The following PDGFD variants were observed in gnomAD, a reference collection of about 807,000 sequenced individuals.
The protein encoded by PDGFD is platelet derived growth factor D.
PDGFD carries 30 observed loss-of-function variants against 44.7 expected under a neutral mutation model. The ratio of observed to expected loss-of-function variants is 0.67; its 90% CI spans 0.50 to 0.91. The LOEUF (loss-of-function observed/expected upper bound fraction) is 0.91, where lower values mean the gene tolerates loss of function less well. Ranked by LOEUF, PDGFD falls within the 40% of genes least tolerant of loss-of-function variation. The probability of loss-of-function intolerance (pLI) is 0.00; values close to 1 mark genes in which losing one functional copy is unlikely to be tolerated. For missense variants in PDGFD, 445 were observed against 457.8 expected (o/e 0.97, Z 0.25); for synonymous variants, 173 against 168.4 (o/e 1.03, Z -0.21).
chr11:103,941,625 T>C, intron 5 of PDGFD, among the ~76,000 whole-genome samples: 1 of 149,208 alleles, frequency 6.7e-6, no homozygotes. Flanking sequence ...GGGTGCCTGC[T>C]AAAAAAAAAA....
intron 1 of PDGFD, among the ~76,000 whole-genome samples, chr11:104,128,741 C>A (rs1861875147): frequency 6.6e-6 from 1 of 151,976 alleles, no homozygotes; most frequent in South Asian, 2.1e-4. Flanking sequence ...AAAATGAGGG[C>A]AAGAATCATA....
chr11:103,965,669 C>A (rs1181274952), intron 3 of PDGFD, among the ~76,000 whole-genome samples: 1 of 152,134 alleles, frequency 6.6e-6, no homozygotes, highest in Non-Finnish European at 1.5e-5. Flanking sequence ...AGTTCATGGT[C>A]CAGCTCACAA....
chr11:104,094,824 C>T (rs1237657016), intron 1 of PDGFD, among the ~76,000 whole-genome samples: 1 of 152,100 alleles, frequency 6.6e-6, no homozygotes, highest in Non-Finnish European at 1.5e-5. Context: ...ATTCTTAAGA[C>T]ATGTATCAGG....
At chr11:104,026,008 G>A (rs1161516347) in intron 1 of PDGFD, among the ~76,000 whole-genome samples, 1 of 152,186 alleles carries the variant, frequency 6.6e-6, no homozygotes, top group Admixed American at 6.5e-5. Context: ...ACTGGGACAG[G>A]AAGGGTGGAA....
At chr11:103,984,066 C>T (rs991460040) in intron 3 of PDGFD, among the ~76,000 whole-genome samples, 1 of 151,506 alleles carries the variant, frequency 6.6e-6, no homozygotes, top group African/African-American at 2.4e-5. Flanking sequence ...TGGGTATATA[C>T]CCAAAGGAAT....
At chr11:103,998,182 G>A (rs1859564342) in intron 2 of PDGFD, among the ~76,000 whole-genome samples, 1 of 152,164 alleles carries the variant, frequency 6.6e-6, no homozygotes, top group South Asian at 2.1e-4. Context: ...TGGGGTTAGA[G>A]GAGCATCTTT....
In PDGFD at chr11:103,986,582, A is replaced by T. The variant is rs575936235; in HGVS notation, c.510+9483T>A. On this transcript the variant is annotated intron_variant, in intron 3 of 6. Coordinates refer to ENST00000393158, the MANE Select transcript of PDGFD (RefSeq NM_025208.5). ...TGAGAAAATTATGATGGTGAAAGAGATCTGACCTAACCGACTCCATCTTGC... is the reference window on the plus strand; with the variant it reads ...TGAGAAAATTATGATGGTGAAAGAGTTCTGACCTAACCGACTCCATCTTGC... 2.0e-4 allele frequency among the ~76,000 whole-genome samples: 30 copies of T among 152,286 alleles called. 1 individual carries two copies. The South Asian group carries it at 5.4e-3, about 27-fold the overall frequency.
chr11:104,116,048 C>T lies in PDGFD; in HGVS notation c.124+47756G>A, dbSNP rs537979742. Among the ~76,000 whole-genome samples the T allele has an allele frequency of 8.6e-5, 13 of 151,992 alleles. No individual in the cohort carries two copies. In the Middle Eastern group the frequency reaches 0.014, roughly 159 times the overall value. ...GCTCTTTAGTTTAATTAAGTCCCAG[C>T]TACTTATCTTTGTTTTTATTGCAAT... On this transcript the variant is annotated intron_variant, in intron 1 of 6. Coordinates refer to ENST00000393158, the MANE Select transcript of PDGFD (RefSeq NM_025208.5).
At chr11:104,100,966 C>T (rs2134444938) in intron 1 of PDGFD, among the ~76,000 whole-genome samples, 1 of 152,170 alleles carries the variant, frequency 6.6e-6, no homozygotes, top group East Asian at 1.9e-4. Context: ...ATAATAAGAG[C>T]TATTTATGAC....
chr11:104,062,067 C>A (rs11226139), intron 1 of PDGFD, among the ~76,000 whole-genome samples: 3 of 152,182 alleles, frequency 2.0e-5, no homozygotes, highest in South Asian at 2.1e-4. Flanking sequence ...GAGACACCAT[C>A]CCCTCTAGTC....
intron 1 of PDGFD, among the ~76,000 whole-genome samples, chr11:104,162,158 A>G (rs934032880): frequency 2.6e-5 from 4 of 152,072 alleles, no homozygotes; most frequent in Non-Finnish European, 4.4e-5. Flanking sequence ...TCAAAAAAAA[A>G]AAAACCTGCT....
chr11:103,971,946 T>C (rs73600296), intron 3 of PDGFD, among the ~76,000 whole-genome samples: 4,105 of 152,202 alleles, frequency 0.027, 200 homozygotes, highest in African/African-American at 0.094. Flanking sequence ...TAGAAGAAAA[T>C]GGTGAAGGGA....
At chr11:104,142,821 G>A (rs565031189) in intron 1 of PDGFD, among the ~76,000 whole-genome samples, 4 of 152,296 alleles carry the variant, frequency 2.6e-5, no homozygotes, top group Admixed American at 1.3e-4. Flanking sequence ...TAAATGTTAC[G>A]ATGCCTCCAG....
chr11:103,979,667 G>T (rs1859237125), intron 3 of PDGFD, among the ~76,000 whole-genome samples: 1 of 151,980 alleles, frequency 6.6e-6, no homozygotes, highest in African/African-American at 2.4e-5. Flanking sequence ...ATAACTTTTG[G>T]GCATTTGGTA....
rs114211174 is a variant in PDGFD, at chr11:103,917,386, A to T, written c.988-7567T>A. Among the ~76,000 whole-genome samples, 869 of 152,280 alleles carry T rather than the reference A, an allele frequency of 5.7e-3. 15 individuals carry two copies. Among genetic ancestry groups the T allele is most frequent in the African/African-American group, 0.02 (834 of 41,556 alleles). ...GCCTTCATTTAGTGAAATATTAGCT[A>T]TTACATAGACATATACTTGGTAAAA... On this transcript the variant is annotated intron_variant, in intron 6 of 6. Transcript: ENST00000393158.
chr11:103,975,029 T>C (rs1215500371), intron 3 of PDGFD, among the ~76,000 whole-genome samples: 1 of 152,198 alleles, frequency 6.6e-6, no homozygotes, highest in East Asian at 1.9e-4. Flanking sequence ...GATTCCTAGG[T>C]CAAGTGGCAT....
intron 1 of PDGFD, among the ~76,000 whole-genome samples, chr11:104,053,525 T>G (rs773730822): frequency 1.1e-4 from 17 of 152,248 alleles, no homozygotes; most frequent in Non-Finnish European, 2.2e-4. Flanking sequence ...GGGTTATTGC[T>G]TCTATGAAAA....
intron 3 of PDGFD, among the ~76,000 whole-genome samples, chr11:103,981,811 C>T (rs260836): frequency 0.55 from 83,047 of 151,280 alleles, 23,276 homozygotes; most frequent in South Asian, 0.65. Flanking sequence ...ATTAAGAAGC[C>T]CTAAGTCTTT....
At chr11:104,013,281 AC>A (rs1007532963) in intron 1 of PDGFD, among the ~76,000 whole-genome samples, 2 of 152,206 alleles carry the variant, frequency 1.3e-5, no homozygotes, top group Non-Finnish European at 2.9e-5. Context: ...AGTCTGTGTG[AC>A]CTGATTCCTC....
Sources: gnomAD v4.1 joint callset for allele counts (sites outside exome capture counted in the v4.1 genomes callset) on GRCh38, gnomAD v4.1.1 for gene constraint, MANE v1.5 for transcripts, NCBI Gene and HGNC (gene_info 2026-07-23, HGNC 2026-07-21) for gene names.